SRPK2: variants seen among roughly 807,000 people sequenced by gnomAD.
The protein encoded by SRPK2 is SRSF protein kinase 2.
SRPK2 carries 21 observed loss-of-function variants against 90.8 expected under a neutral mutation model. The observed-to-expected ratio is 0.23, with a 90% CI of 0.16 to 0.33. SRPK2 has a LOEUF of 0.33. Among genes scored for constraint, SRPK2 ranks in the 10% least tolerant of loss-of-function variants. The probability of loss-of-function intolerance (pLI) is 1.00; values close to 1 mark genes in which losing one functional copy is unlikely to be tolerated. For missense variants in SRPK2, 620 were observed against 869.0 expected (o/e 0.71, Z 3.60); for synonymous variants, 288 against 311.1 (o/e 0.93, Z 0.78).
chr7:105,292,945 A>G (rs937937532), intron 2 of SRPK2, among the ~76,000 whole-genome samples: 1 of 152,236 alleles, frequency 6.6e-6, no homozygotes, highest in African/African-American at 2.4e-5. Flanking sequence ...TTCTTTCCCA[A>G]GTGATTAGCT....
Position 105,205,515 on chromosome 7 carries a change from TCTCACACACACACACACACACACACA to T in SRPK2, c.72-1756_72-1731del, listed in dbSNP as rs1388835965. Among the ~76,000 whole-genome samples the T allele has an allele frequency of 2.1e-3, 236 of 111,852 alleles. 1 individual carries two copies. Among genetic ancestry groups the T allele is most frequent in the Non-Finnish European group, 3.3e-3 (184 of 56,518 alleles). 73.4% of individuals were successfully genotyped at this position (111,852 alleles called of 152,430 possible). On this transcript the variant is annotated intron_variant, in intron 2 of 15. Transcript: ENST00000393651. ...TATTCATTCTCTCTCTCTCTCTCTC[TCTCACACACACACACACACACACACA>T]CACACACACACACACACACACACAC... is the stretch of plus-strand genomic sequence containing the variant.
chr7:105,370,724 T>C (rs918080321), intron 2 of SRPK2, among the ~76,000 whole-genome samples: 1 of 150,958 alleles, frequency 6.6e-6, no homozygotes, highest in Non-Finnish European at 1.5e-5. Flanking sequence ...CAAATGATTC[T>C]CATGCCTTAC....
chr7:105,169,225 GC>G lies in SRPK2; in HGVS notation c.269del (p.Gly90AlafsTer31). On this transcript the variant is annotated frameshift_variant, in exon 4 of 16. Coordinates refer to ENST00000393651, the MANE Select transcript of SRPK2 (RefSeq NM_182692.3). LOFTEE classifies it high-confidence loss of function. ...CAAGCTTTCTAATAACATGATACCG[GC>G]CATTGAAGAGGTCTCCAATTTTCAC... The part of the protein sequence containing the change: ...HPVKIGDLFN[G>X]RYHVIRKLGW... 1 of 1,613,860 alleles carries G rather than the reference GC, an allele frequency of 6.2e-7. No homozygotes were observed. Among genetic ancestry groups the G allele is most frequent in the Non-Finnish European group, 8.5e-7 (1 of 1,179,906 alleles).
chr7:105,154,477 G>T (rs921046290), intron 7 of SRPK2, among the ~76,000 whole-genome samples: 2 of 152,132 alleles, frequency 1.3e-5, no homozygotes, highest in Admixed American at 6.6e-5. Flanking sequence ...GCCACTGAAA[G>T]AATTACAATG....
At chr7:105,250,513 T>C (rs2299326) in intron 2 of SRPK2, among the ~76,000 whole-genome samples, 27,724 of 152,026 alleles carry the variant, frequency 0.18, 3,192 homozygotes, top group East Asian at 0.58. Flanking sequence ...TTTGGAGATA[T>C]ACAGGTTTTC....
intron 2 of SRPK2, among the ~76,000 whole-genome samples, chr7:105,256,184 T>C (rs1385964630): frequency 6.6e-6 from 1 of 152,202 alleles, no homozygotes; most frequent in Admixed American, 6.5e-5. Context: ...AAAAATCCCC[T>C]ACAATAAGTC....
rs1242263895 is a variant in SRPK2 at position 105,170,961 on chromosome 7, A to G, written c.230-1696T>C. Among the ~76,000 whole-genome samples the G allele has an allele frequency of 1.3e-4, 6 of 45,268 alleles. 2 individuals are homozygous for G. Among genetic ancestry groups the G allele is most frequent in the Non-Finnish European group, 3.5e-4 (6 of 17,022 alleles). The allele number at this position is 45,268 out of a possible 152,430, so 29.7% of individuals were successfully genotyped here. A position where few individuals can be genotyped will look rare whatever the true frequency, so the allele number is the denominator to read the frequency against. ...AAAGAAAGAAAGAAAGAAAGAAAGA[A>G]AGAAAGAGAAAGAAAGAGAAAGAAA... On this transcript the variant is annotated intron_variant, in intron 3 of 15. Transcript: ENST00000393651.
intron 2 of SRPK2, among the ~76,000 whole-genome samples, chr7:105,279,213 GGA>G (rs1243931071): frequency 2.0e-5 from 3 of 152,082 alleles, no homozygotes; most frequent in Non-Finnish European, 4.4e-5. Flanking sequence ...GGCGGCGGGG[GGA>G]GGAGGGAGCG....
chr7:105,201,904 G>A (rs934317116), intron 3 of SRPK2, among the ~76,000 whole-genome samples: 2 of 152,034 alleles, frequency 1.3e-5, no homozygotes, highest in African/African-American at 4.8e-5. Context: ...AACAAGAAAA[G>A]AAAAAAGAAT....
intron 1 of SRPK2, among the ~76,000 whole-genome samples, chr7:105,396,732 AGAG>A (rs148046363): frequency 0.026 from 3,801 of 148,280 alleles, 80 homozygotes; most frequent in Non-Finnish European, 0.04. Flanking sequence ...GGGAGAAGGA[AGAG>A]GAGGAGGAGG....
chr7:105,308,983 G>C (rs781466030), intron 2 of SRPK2, among the ~76,000 whole-genome samples: 4 of 152,002 alleles, frequency 2.6e-5, no homozygotes, highest in Non-Finnish European at 5.9e-5. Context: ...CTTCAGTGCT[G>C]CTTCATTTCC....
At chr7:105,393,046 T>C (rs1586039507), upstream of SRPK2, among the ~76,000 whole-genome samples, 1 of 151,402 alleles carries the variant, frequency 6.6e-6, no homozygotes, top group South Asian at 2.1e-4. Flanking sequence ...CAGGCTGGAG[T>C]GCAGTGGCGC....
chr7:105,346,111 T>G (rs894626526), intron 2 of SRPK2, among the ~76,000 whole-genome samples: 2 of 152,246 alleles, frequency 1.3e-5, no homozygotes, highest in Admixed American at 6.5e-5. Flanking sequence ...CAGGTGTACT[T>G]TATATCAAAG....
intron 3 of SRPK2, among the ~76,000 whole-genome samples, chr7:105,198,947 G>A (rs974612532): frequency 3.9e-5 from 6 of 152,124 alleles, no homozygotes; most frequent in Admixed American, 6.5e-5. Context: ...CTAAGATAAC[G>A]CGAGTAGGAA....
chr7:105,221,083 A>C lies in SRPK2; in HGVS notation c.72-17298T>G, dbSNP rs1231883948. 3.3e-5 allele frequency among the ~76,000 whole-genome samples: 5 copies of C among 152,318 alleles called. No individual in the cohort carries two copies. In the East Asian group the frequency reaches 5.8e-4, roughly 18 times the overall value. On this transcript the variant is annotated intron_variant, in intron 2 of 15. Transcript: ENST00000393651. ...ATAAAAAGGTTTACTAAACCCACAC[A>C]CCAGTTTTCGACAAAAATCTCTAAA...
chr7:105,204,408 T>A (rs1334245794), intron 2 of SRPK2, among the ~76,000 whole-genome samples: 4 of 152,192 alleles, frequency 2.6e-5, no homozygotes, highest in Admixed American at 2.6e-4. Flanking sequence ...TGTGTGTGTG[T>A]TTGATTGATT....
chr7:105,380,020 C>T (rs1007267137), intron 2 of SRPK2, among the ~76,000 whole-genome samples: 2 of 152,174 alleles, frequency 1.3e-5, no homozygotes, highest in Admixed American at 6.5e-5. Context: ...TAGGCACCTG[C>T]AGTCCCAGCT....
intron 11 of SRPK2, among the ~76,000 whole-genome samples, chr7:105,140,313 ACT>A (rs1803520879): frequency 6.6e-6 from 1 of 152,158 alleles, no homozygotes; most frequent in Non-Finnish European, 1.5e-5. Context: ...TAAAAAAGGT[ACT>A]TTGAGCTGGT....
At chr7:105,381,470 AAAAACAAAAC>A (rs920057473) in intron 2 of SRPK2, among the ~76,000 whole-genome samples, 9 of 152,094 alleles carry the variant, frequency 5.9e-5, no homozygotes, top group Admixed American at 5.9e-4. Context: ...TCCATCTCGA[AAAAACAAAAC>A]AAAACAAAAC....
Sources: gnomAD v4.1 joint callset for allele counts (sites outside exome capture counted in the v4.1 genomes callset) on GRCh38, gnomAD v4.1.1 for gene constraint, MANE v1.5 for transcripts, NCBI Gene and HGNC (gene_info 2026-07-23, HGNC 2026-07-21) for gene names.